IGF2BP2: variants seen among roughly 807,000 people sequenced by gnomAD.
The protein encoded by IGF2BP2 is insulin like growth factor 2 mRNA binding protein 2.
A neutral mutation model predicts 75.8 loss-of-function variants in IGF2BP2; 17 were observed. That is an observed-to-expected ratio of 0.22 (90% CI 0.15 to 0.34). IGF2BP2 has a LOEUF of 0.34. Among genes scored for constraint, IGF2BP2 ranks in the 10% least tolerant of loss-of-function variants. IGF2BP2 has a pLI of 1.00. For missense variants in IGF2BP2, 516 were observed against 772.4 expected (o/e 0.67, Z 3.93); for synonymous variants, 288 against 295.6 (o/e 0.97, Z 0.26).
rs754390433 is a variant in IGF2BP2 at position 185,649,458 on chromosome 3, T to C, written c.1538A>G (p.His513Arg). The change falls in exon 14 of 16, where the codon CAT becomes CGT. Residue 513 changes from histidine to arginine, a missense_variant. This residue lies in a region of IGF2BP2 where 129 missense variants were observed against 230.5 expected (regional missense o/e 0.56). Transcript: ENST00000382199. ...AGCTGTGGAAGAGGGCACTCTGATA[T>C]GCGCTTCCAGCTTCACTTCTTCTTT... ...NPKEEVKLEA[H>R]IRVPSSTAGR... 8.1e-6 allele frequency: 13 copies of C among 1,614,030 alleles called. No homozygotes were observed. Among genetic ancestry groups the C allele is most frequent in the African/African-American group, 1.3e-5 (1 of 74,934 alleles).
rs561374957 is a variant in IGF2BP2 at position 185,745,107 on chromosome 3, C to A, written c.240-46760G>T. Among the ~76,000 whole-genome samples, 8 of 152,278 alleles carry A rather than the reference C, an allele frequency of 5.3e-5. No individual in the cohort carries two copies. The South Asian group carries it at 1.5e-3, about 28-fold the overall frequency. On this transcript the variant is annotated intron_variant, in intron 2 of 15. Transcript: ENST00000382199. ...CTCCCTGCACTTGGAGGCCTCATTC[C>A]CCTCCACACGCTGCTTTGCACTTCC...
Position 185,687,038 on chromosome 3 carries a change from G to C in IGF2BP2, c.812+19C>G, listed in dbSNP as rs745394660. Reference sequence around the variant, plus strand: ...TCTTTTTCTCTGTTGAGTGATCTGGGCATTGCATGCAAACTTACAGTTTGG... The same window carrying C: ...TCTTTTTCTCTGTTGAGTGATCTGGCCATTGCATGCAAACTTACAGTTTGG... On this transcript the variant is annotated intron_variant, in intron 7 of 15. Coordinates refer to ENST00000382199, the MANE Select transcript of IGF2BP2 (RefSeq NM_006548.6). 228 of 1,609,466 alleles carry C rather than the reference G, an allele frequency of 1.4e-4. No individual in the cohort carries two copies. The highest frequency in any genetic ancestry group is 1.7e-4 in the Non-Finnish European group (202 of 1,178,988).
At chr3:185,720,544 C>G (rs1207695668) in intron 2 of IGF2BP2, among the ~76,000 whole-genome samples, 1 of 152,130 alleles carries the variant, frequency 6.6e-6, no homozygotes, top group South Asian at 2.1e-4. Flanking sequence ...TCTGGTGAGC[C>G]AGGGGAGCCC....
intron 12 of IGF2BP2, among the ~76,000 whole-genome samples, chr3:185,655,693 T>C (rs535675624): frequency 3.1e-4 from 47 of 152,382 alleles, no homozygotes; most frequent in African/African-American, 1.0e-3. Context: ...GACTGTGGGA[T>C]GCAGCCCATG....
At chr3:185,773,427 T>C (rs1261206027) in intron 2 of IGF2BP2, among the ~76,000 whole-genome samples, 1 of 152,200 alleles carries the variant, frequency 6.6e-6, no homozygotes, top group African/African-American at 2.4e-5. Context: ...CATACAAAGT[T>C]TGAGTGCAGA....
chr3:185,710,836 T>C (rs1426644082), intron 2 of IGF2BP2, among the ~76,000 whole-genome samples: 1 of 151,988 alleles, frequency 6.6e-6, no homozygotes, highest in African/African-American at 2.4e-5. Context: ...GGAAAAGTTA[T>C]TTATCAACAA....
rs753167257 is a variant in IGF2BP2, at chr3:185,672,631, T to C, written c.1110A>G (p.Ala370=). The C allele has an allele frequency of 6.2e-7, 1 of 1,614,106 alleles. No homozygotes were observed. The highest frequency in any genetic ancestry group is 8.5e-7 in the Non-Finnish European group (1 of 1,179,986). ...ACAGTCCTGTTGAAAAGATGCCAAG[T>C]GCGCTGAGGTTCAACCCTGGGATCA... The part of the protein sequence containing the change: ...ANLIPGLNLS[A]LGIFSTGLSV... Residue 370 remains alanine, a synonymous_variant, in exon 10 of 16, where the codon GCA becomes GCG. Transcript: ENST00000382199.
At chr3:185,792,755 G>A (rs1367228215) in intron 2 of IGF2BP2, among the ~76,000 whole-genome samples, 1 of 144,564 alleles carries the variant, frequency 6.9e-6, no homozygotes, top group Non-Finnish European at 1.5e-5. Context: ...AAGAGAACAA[G>A]ACTCCGTCTC....
intron 2 of IGF2BP2, among the ~76,000 whole-genome samples, chr3:185,790,927 T>C (rs1463041759): frequency 6.6e-6 from 1 of 152,280 alleles, no homozygotes; most frequent in Non-Finnish European, 1.5e-5. Context: ...TTCATTAGTT[T>C]ATTGTTAAGG....
At chr3:185,786,515 C>G (rs1735909237) in intron 2 of IGF2BP2, among the ~76,000 whole-genome samples, 1 of 152,154 alleles carries the variant, frequency 6.6e-6, no homozygotes, top group South Asian at 2.1e-4. Flanking sequence ...GGCTCAGAAG[C>G]TCCCCCACTG....
intron 2 of IGF2BP2, among the ~76,000 whole-genome samples, chr3:185,780,102 G>C (rs1426505853): frequency 1.3e-5 from 2 of 152,122 alleles, no homozygotes; most frequent in Non-Finnish European, 2.9e-5. Context: ...GCCAGTTGTG[G>C]AATGTTCCAC....
chr3:185,712,081 A>G (rs148387103), intron 2 of IGF2BP2, among the ~76,000 whole-genome samples: 93 of 152,332 alleles, frequency 6.1e-4, no homozygotes, highest in African/African-American at 2.2e-3. Flanking sequence ...GAATCAGGAG[A>G]GAAACTATTA....
At chr3:185,812,622 T>A (rs976892156) in intron 2 of IGF2BP2, among the ~76,000 whole-genome samples, 5 of 152,204 alleles carry the variant, frequency 3.3e-5, no homozygotes, top group African/African-American at 9.7e-5. Flanking sequence ...TTACACACTG[T>A]AGGGTGGGTG....
intron 2 of IGF2BP2, among the ~76,000 whole-genome samples, chr3:185,768,487 T>G (rs530230425): frequency 2.5e-4 from 38 of 152,340 alleles, no homozygotes; most frequent in Middle Eastern, 6.8e-3. Context: ...CCCTTTTAAG[T>G]CAATCTAAGT....
chr3:185,767,134 G>C (rs75437346), intron 2 of IGF2BP2, among the ~76,000 whole-genome samples: 298 of 152,322 alleles, frequency 2.0e-3, no homozygotes, highest in East Asian at 0.019. Flanking sequence ...CTTCTCGATG[G>C]TGGCATAGGC....
At chr3:185,773,209 T>C (rs555771139) in intron 2 of IGF2BP2, among the ~76,000 whole-genome samples, 1 of 152,352 alleles carries the variant, frequency 6.6e-6, no homozygotes, top group South Asian at 2.1e-4. Context: ...CTAGGTGCTA[T>C]TCTAACTCCT....
Position 185,647,277 on chromosome 3 carries a change from G to A in IGF2BP2, c.1594-139C>T. ...TCTGCTCTCCTTTCCTTTTATCAAGGACACCCCGGGGGCTCCTCTGCCCCT... is the reference window on the plus strand; with the variant it reads ...TCTGCTCTCCTTTCCTTTTATCAAGAACACCCCGGGGGCTCCTCTGCCCCT... On this transcript the variant is annotated intron_variant, in intron 14 of 15. Coordinates refer to ENST00000382199, the MANE Select transcript of IGF2BP2 (RefSeq NM_006548.6). The surrounding 1 kb of genome is among the most constrained non-coding windows in gnomAD (Gnocchi z 4.9). 1 of 664,840 alleles carries A rather than the reference G, an allele frequency of 1.5e-6. No homozygotes were observed. Among genetic ancestry groups the A allele is most frequent in the South Asian group, 1.7e-5 (1 of 58,066 alleles). 41.2% of individuals were successfully genotyped at this position (664,840 alleles called of 1,614,324 possible).
intron 4 of IGF2BP2, among the ~76,000 whole-genome samples, chr3:185,694,911 A>G (rs1184533612): frequency 2.6e-5 from 4 of 152,012 alleles, no homozygotes; most frequent in Non-Finnish European, 5.9e-5. Context: ...ACACGGTGAA[A>G]CCCTGTCTCT....
At chr3:185,749,151 G>GTCT (rs1349033621) in intron 2 of IGF2BP2, among the ~76,000 whole-genome samples, 1 of 152,010 alleles carries the variant, frequency 6.6e-6, no homozygotes, top group African/African-American at 2.4e-5. Context: ...GTGAAAAAGC[G>GTCT]AGACTCCGTC....
Sources: gnomAD v4.1 joint callset for allele counts (sites outside exome capture counted in the v4.1 genomes callset) on GRCh38, gnomAD v4.1.1 for gene constraint, gnomAD v4.1.1 regional missense constraint, Gnocchi (gnomAD v3.1) non-coding constraint, MANE v1.5 for transcripts, NCBI Gene and HGNC (gene_info 2026-07-23, HGNC 2026-07-21) for gene names.